Variants in SERP2 observed in about 807,000 individuals in gnomAD.
The protein encoded by SERP2 is stress-associated endoplasmic reticulum protein 2.
SERP2 carries 6 observed loss-of-function variants against 9.1 expected under a neutral mutation model. That is an observed-to-expected ratio of 0.66 (90% CI 0.36 to 1.30). SERP2 has a LOEUF of 1.30. Among genes scored for constraint, SERP2 ranks in the 50% most tolerant of loss-of-function variants. The pLI, the probability that SERP2 is intolerant of heterozygous loss-of-function variation, is 0.03. For synonymous variants in SERP2, 37 were observed against 27.3 expected, an observed-to-expected ratio of 1.35 and a Z score of -1.10; for missense variants, 58 against 81.9, an observed-to-expected ratio of 0.71 and a Z score of 1.13.
At chr13:44,379,540 C>T (rs573699520) in intron 1 of SERP2, 101 bp from the exon 2 acceptor site, 17 of 765,550 alleles carry the variant, frequency 2.2e-5, no homozygotes, top group Admixed American at 1.4e-4. Flanking sequence ...CTGTCTCATT[C>T]GCAGTAGAAT....
In SERP2 at chr13:44,397,542, A is replaced by G. The variant is rs543462528; in HGVS notation, c.*230A>G. 9 of 573,772 alleles carry G rather than the reference A, an allele frequency of 1.6e-5. No individual in the cohort carries two copies. Among genetic ancestry groups the G allele is most frequent in the Non-Finnish European group, 2.8e-5 (9 of 321,084 alleles). The allele number at this position is 573,772 out of a possible 1,614,324, so 35.5% of individuals were successfully genotyped here. A position where few individuals can be genotyped will look rare whatever the true frequency, so the allele number is the denominator to read the frequency against. ...AAGGACATTTTGCTTTTCTGTTGGC[A>G]GGATTAGTAGCCACGCGGGTCGTCC... is the stretch of plus-strand genomic sequence containing the variant. On this transcript the variant is annotated 3_prime_UTR_variant, in exon 3 of 3. Transcript: ENST00000379179.
At chr13:44,394,416 C>T (rs773780672) in intron 2 of SERP2, among the ~76,000 whole-genome samples, 1 of 152,222 alleles carries the variant, frequency 6.6e-6, no homozygotes, top group Non-Finnish European at 1.5e-5. Context: ...AGCCACCGCA[C>T]CTGGACTGTC....
chr13:44,380,540 A>G (rs1237213960), intron 2 of SERP2, among the ~76,000 whole-genome samples: 1 of 152,154 alleles, frequency 6.6e-6, no homozygotes, highest in Non-Finnish European at 1.5e-5. Flanking sequence ...ACCTAAAATC[A>G]TGAAAATTAA....
At chr13:44,378,016 C>G (rs1338135351) in intron 1 of SERP2, among the ~76,000 whole-genome samples, 1 of 152,082 alleles carries the variant, frequency 6.6e-6, no homozygotes, top group Non-Finnish European at 1.5e-5. Flanking sequence ...CACATGCTAT[C>G]AAGAAAAAGT....
chr13:44,387,482 G>A (rs1283713843), intron 2 of SERP2, among the ~76,000 whole-genome samples: 1 of 152,084 alleles, frequency 6.6e-6, no homozygotes, highest in Non-Finnish European at 1.5e-5. Context: ...AGCTGTCTTC[G>A]GCATTTCCAG....
intron 2 of SERP2, among the ~76,000 whole-genome samples, chr13:44,387,918 AGAGATTAT>A (rs1259982009): frequency 6.6e-6 from 1 of 152,148 alleles, no homozygotes; most frequent in African/African-American, 2.4e-5. Context: ...TTTCCTAATT[AGAGATTAT>A]GAGAATTTTA....
chr13:44,384,269 T>C (rs1872192493), intron 2 of SERP2, among the ~76,000 whole-genome samples: 1 of 152,220 alleles, frequency 6.6e-6, no homozygotes, highest in Non-Finnish European at 1.5e-5. Flanking sequence ...CACGATTCAT[T>C]TCTTCTTGCA....
At chr13:44,392,202 A>AAAAAAAAAAAAAAAAAAAAG (rs1872820300) in intron 2 of SERP2, among the ~76,000 whole-genome samples, 1 of 141,894 alleles carries the variant, frequency 7.0e-6, no homozygotes, top group Non-Finnish European at 1.5e-5. Context: ...GTCTCAAAAA[A>AAAAAAAAAAAAAAAAAAAAG]AAAAAAAAAA....
intron 2 of SERP2, 68 bp from the exon 3 acceptor site, chr13:44,397,204 T>C: frequency 7.5e-7 from 1 of 1,334,976 alleles, no homozygotes; most frequent in Non-Finnish European, 1.1e-6. Context: ...GAAGCCGGGC[T>C]CACTGTGGGC....
At position 44,397,390 on chromosome 13, in the gene SERP2, G is replaced by C; in HGVS notation, c.*78G>C. 1.3e-5 allele frequency: 15 copies of C among 1,114,722 alleles called. No individual in the cohort carries two copies. Among genetic ancestry groups the C allele is most frequent in the Non-Finnish European group, 1.9e-5 (14 of 730,206 alleles). The allele number at this position is 1,114,722 out of a possible 1,614,324, so 69.1% of individuals were successfully genotyped here. A position where few individuals can be genotyped will look rare whatever the true frequency, so the allele number is the denominator to read the frequency against. ...GGAAGCGGTCAGCCAGTTTCTGCGG[G>C]AAACAAGCAGGCCACACGGAATAGA... On this transcript the variant is annotated 3_prime_UTR_variant, in exon 3 of 3. Transcript: ENST00000379179.
rs928968575 is a variant in SERP2 at position 44,381,491 on chromosome 13, G to A, written c.157+1778G>A. 4.6e-5 allele frequency among the ~76,000 whole-genome samples: 7 copies of A among 152,294 alleles called. No individual in the cohort carries two copies. The Middle Eastern group carries it at 0.01, about 222-fold the overall frequency. On this transcript the variant is annotated intron_variant, in intron 2 of 2. Coordinates refer to ENST00000379179, the MANE Select transcript of SERP2 (RefSeq NM_001010897.3). The stretch of plus-strand genomic sequence containing the variant: ...GCAGAGGTGGAGCTTGCAGTGAGCC[G>A]AGATCGTGCCACTGTACTCCTTCCT...
Position 44,374,088 on chromosome 13 carries a change from G to T in SERP2, c.63G>T (p.Arg21Ser). 1.3e-6 allele frequency: 2 copies of T among 1,581,378 alleles called. No individual in the cohort carries two copies. Among genetic ancestry groups the T allele is most frequent in the Non-Finnish European group, 8.6e-7 (1 of 1,165,210 alleles). The change falls in exon 1 of 3, where the codon AGG becomes AGT. Residue 21 changes from arginine (R) to serine (S), a missense_variant. Transcript: ENST00000379179. ...NEKHSKNITQ[R>S]GNVAKTLRPQ... is the part of the protein sequence containing the mutation. ...AGCACAGCAAAAACATCACCCAGAGGGGGAACGTAGCCAAAACCCTGGTAA... is the reference window on the plus strand; with the variant it reads ...AGCACAGCAAAAACATCACCCAGAGTGGGAACGTAGCCAAAACCCTGGTAA...
chr13:44,396,933 G>A (rs976897563), intron 2 of SERP2, among the ~76,000 whole-genome samples: 2 of 152,224 alleles, frequency 1.3e-5, no homozygotes, highest in Non-Finnish European at 2.9e-5. Context: ...GTTTCTGCAC[G>A]AAAGCCCATA....
chr13:44,393,596 C>A (rs1595058333), intron 2 of SERP2, among the ~76,000 whole-genome samples: 1 of 152,272 alleles, frequency 6.6e-6, no homozygotes, highest in East Asian at 1.9e-4. Context: ...GTCTCGCCTG[C>A]CCACAGTTCC....
chr13:44,375,292 G>A (rs975491055), intron 1 of SERP2, among the ~76,000 whole-genome samples: 4 of 151,842 alleles, frequency 2.6e-5, no homozygotes, highest in African/African-American at 4.8e-5. Flanking sequence ...GCAGTATTAC[G>A]GCAGAGAAAC....
At chr13:44,376,928 C>A (rs943778194) in intron 1 of SERP2, among the ~76,000 whole-genome samples, 2 of 152,286 alleles carry the variant, frequency 1.3e-5, no homozygotes, top group South Asian at 4.1e-4. Context: ...ATTTTTGGAG[C>A]CTCAAGAAGT....
chr13:44,373,960 G>T lies in SERP2; in HGVS notation c.-66G>T. The T allele has an allele frequency of 6.9e-7, 1 of 1,445,762 alleles. No homozygotes were observed. The highest frequency in any genetic ancestry group is 9.4e-7 in the Non-Finnish European group (1 of 1,060,406). The allele number at this position is 1,445,762 out of a possible 1,614,324, so 89.6% of individuals were successfully genotyped here. On this transcript the variant is annotated 5_prime_UTR_variant, in exon 1 of 3. Coordinates refer to ENST00000379179, the MANE Select transcript of SERP2 (RefSeq NM_001010897.3). This position sits in a 1 kb window ranked among gnomAD's most constrained non-coding sequence, Gnocchi z 4.8. ...CGGGGGCCTCGGCGGGACGCGCTCG[G>T]CCCTGTCGCAGGAGCTAACGCAGGG...
intron 2 of SERP2, chr13:44,390,296 T>TCTC: frequency 1.1e-5 from 2 of 188,776 alleles, no homozygotes; most frequent in South Asian, 5.1e-5. Context: ...GCCACCGGTG[T>TCTC]CCCCACCCAC....
At chr13:44,374,728 G>C (rs1430899829) in intron 1 of SERP2, among the ~76,000 whole-genome samples, 1 of 152,114 alleles carries the variant, frequency 6.6e-6, no homozygotes, top group East Asian at 1.9e-4. Flanking sequence ...TCAAAATGGG[G>C]AGTGAGATTT....
Sources: gnomAD v4.1 joint callset for allele counts (sites outside exome capture counted in the v4.1 genomes callset) on GRCh38, gnomAD v4.1.1 for gene constraint, Gnocchi (gnomAD v3.1) non-coding constraint, MANE v1.5 for transcripts, NCBI Gene and HGNC (gene_info 2026-07-23, HGNC 2026-07-21) for gene names.